RGL1: variants seen among roughly 807,000 people sequenced by gnomAD.
RGL1 encodes ral guanine nucleotide dissociation stimulator-like 1.
In RGL1, 24 loss-of-function variants were observed where a neutral mutation model predicts 95.2. The ratio of observed to expected loss-of-function variants is 0.25; its 90% confidence interval spans 0.18 to 0.35. The LOEUF (loss-of-function observed/expected upper bound fraction) is 0.35, where lower values mean the gene tolerates loss of function less well. Among genes scored for constraint, RGL1 ranks in the 10% least tolerant of loss-of-function variants. The pLI is 1.00. For synonymous variants in RGL1, 329 were observed against 344.9 expected (o/e 0.95, Z 0.51); for missense variants, 715 against 936.3 (o/e 0.76, Z 3.08).
intron 1 of RGL1, among the ~76,000 whole-genome samples, chr1:183,726,225 C>T (rs1318176693): frequency 6.6e-6 from 1 of 151,848 alleles, no homozygotes; most frequent in Non-Finnish European, 1.5e-5. Context: ...GCCAAGCTTC[C>T]ATCATAAGCT....
chr1:183,801,046 A>ACTT (rs72334523), upstream of RGL1, among the ~76,000 whole-genome samples: 3 of 151,738 alleles, frequency 2.0e-5, no homozygotes, highest in South Asian at 4.2e-4. Context: ...TTTTTGAGGA[A>ACTT]CCATACTGTT....
At chr1:183,850,114 A>G (rs886867610) in intron 3 of RGL1, among the ~76,000 whole-genome samples, 1 of 152,130 alleles carries the variant, frequency 6.6e-6, no homozygotes, top group African/African-American at 2.4e-5. Flanking sequence ...TGCTTCTTAC[A>G]TTTATGAGTG....
chr1:183,828,716 T>G (rs1423093338), intron 2 of RGL1, among the ~76,000 whole-genome samples: 1 of 152,222 alleles, frequency 6.6e-6, no homozygotes, highest in Admixed American at 6.5e-5. Context: ...CCAAAGATAA[T>G]GATTCCCAAT....
At chr1:183,830,978 T>C (rs1327627330) in intron 2 of RGL1, among the ~76,000 whole-genome samples, 2 of 152,192 alleles carry the variant, frequency 1.3e-5, no homozygotes, top group African/African-American at 4.8e-5. Context: ...ACCACAAATA[T>C]TTACTGAGCA....
intron 1 of RGL1, chr1:183,742,034 T>C (rs1657339832): frequency 1.0e-6 from 1 of 953,092 alleles, no homozygotes. Flanking sequence ...ATGGTCTCAC[T>C]AGTCAGAAGT....
Position 183,724,033 on chromosome 1 carries a change from A to G in RGL1, c.-32-18093A>G, listed in dbSNP as rs537564780. Among the ~76,000 whole-genome samples the G allele has an allele frequency of 6.2e-4, 95 of 152,270 alleles. No homozygotes were observed. Among genetic ancestry groups the G allele is most frequent in the Middle Eastern group, 3.4e-3 (1 of 294 alleles). On this transcript the variant is annotated intron_variant, in intron 1 of 18. Coordinates refer to the RGL1 transcript ENST00000304685. This position sits in a 1 kb window ranked among gnomAD's most constrained non-coding sequence, Gnocchi z 4.1. Reference sequence around the variant, plus strand: ...CCCTATCCCAGGCCCTAGCTCCCAGATAACATTACTAGACACACCCTGGGC... The same window carrying G: ...CCCTATCCCAGGCCCTAGCTCCCAGGTAACATTACTAGACACACCCTGGGC...
chr1:183,811,949 A>C (rs1661746618), intron 2 of RGL1, among the ~76,000 whole-genome samples: 1 of 152,224 alleles, frequency 6.6e-6, no homozygotes, highest in Admixed American at 6.5e-5. Flanking sequence ...TTTTACTCTT[A>C]GAAAGAAAAT....
chr1:183,902,709 T>C, intron 12 of RGL1, 109 bp downstream of exon 12: 1 of 971,310 alleles, frequency 1.0e-6, no homozygotes. Flanking sequence ...TAGCACCTAC[T>C]GAACGTTTAT....
intron 9 of RGL1, among the ~76,000 whole-genome samples, chr1:183,896,220 G>A (rs2102683880): frequency 6.6e-6 from 1 of 152,262 alleles, no homozygotes; most frequent in South Asian, 2.1e-4. Context: ...ATATTAGGCT[G>A]CTTTCTTTTT....
chr1:183,732,570 A>C (rs1283185612), intron 1 of RGL1, among the ~76,000 whole-genome samples: 1 of 152,212 alleles, frequency 6.6e-6, no homozygotes, highest in African/African-American at 2.4e-5. Context: ...AAATGGGCCA[A>C]TTAGAACACA....
chr1:183,751,902 G>A lies in RGL1; in HGVS notation c.132+9613G>A, dbSNP rs191238825. Among the ~76,000 whole-genome samples the A allele has an allele frequency of 2.8e-4, 42 of 152,242 alleles. 1 individual carries two copies. Among genetic ancestry groups the A allele is most frequent in the African/African-American group, 7.9e-4 (33 of 41,532 alleles). On this transcript the variant is annotated intron_variant, in intron 2 of 18. Coordinates refer to the RGL1 transcript ENST00000304685. Reference sequence around the variant, plus strand: ...TATTCACTGCCTGACCAGTCCCAGTGAGATGAACTGGGTACCTCAGTTGGA... The same window carrying A: ...TATTCACTGCCTGACCAGTCCCAGTAAGATGAACTGGGTACCTCAGTTGGA...
intron 1 of RGL1, among the ~76,000 whole-genome samples, chr1:183,697,792 C>T (rs1254697172): frequency 6.6e-6 from 1 of 152,206 alleles, no homozygotes; most frequent in Non-Finnish European, 1.5e-5. Flanking sequence ...CTAGGTTAAT[C>T]TAATTGAGTA....
At chr1:183,777,714 T>G (rs1208601801) in intron 2 of RGL1, among the ~76,000 whole-genome samples, 1 of 152,220 alleles carries the variant, frequency 6.6e-6, no homozygotes, top group Non-Finnish European at 1.5e-5. Flanking sequence ...TGGACTTGGT[T>G]TTTACAATTA....
At chr1:183,746,410 C>T (rs529885177) in intron 2 of RGL1, among the ~76,000 whole-genome samples, 1 of 151,922 alleles carries the variant, frequency 6.6e-6, no homozygotes, top group African/African-American at 2.4e-5. Context: ...TTTGGTGACT[C>T]ACTTCTTTTA....
At chr1:183,847,816 CTGATT>C in intron 3 of RGL1, 42 bp downstream of exon 3, 1 of 1,513,126 alleles carries the variant, frequency 6.6e-7, no homozygotes, top group Non-Finnish European at 9.2e-7. Context: ...GAAATGTAGG[CTGATT>C]ATGGAGTGGA....
intron 8 of RGL1, among the ~76,000 whole-genome samples, chr1:183,889,380 A>C (rs1456727932): frequency 6.6e-6 from 1 of 152,202 alleles, no homozygotes; most frequent in Non-Finnish European, 1.5e-5. Context: ...ATATCAGGGA[A>C]GAATCTATAA....
At chr1:183,677,923 G>C (rs544735238) in intron 1 of RGL1, among the ~76,000 whole-genome samples, 2 of 152,288 alleles carry the variant, frequency 1.3e-5, no homozygotes, top group East Asian at 3.9e-4. Flanking sequence ...CTGAACAGAG[G>C]TTCTTGATAA....
intron 2 of RGL1, among the ~76,000 whole-genome samples, chr1:183,813,222 G>A (rs1661842284): frequency 6.6e-6 from 1 of 152,174 alleles, no homozygotes; most frequent in South Asian, 2.1e-4. Flanking sequence ...ATTCCTGGCA[G>A]GCACACTGGT....
At chr1:183,822,014 A>G (rs1662522286) in intron 2 of RGL1, among the ~76,000 whole-genome samples, 1 of 152,170 alleles carries the variant, frequency 6.6e-6, no homozygotes. Context: ...ATGTCCTTAC[A>G]GTACAAAAGA....
Sources: allele counts gnomAD v4.1 joint callset (sites outside exome capture counted in the v4.1 genomes callset), GRCh38; gene constraint gnomAD v4.1.1; non-coding constraint Gnocchi (gnomAD v3.1); transcripts MANE v1.5; gene names NCBI Gene and HGNC (gene_info 2026-07-23, HGNC 2026-07-21).